The following ABCA1 variants were observed in gnomAD, a reference collection of about 807,000 sequenced individuals.
The protein encoded by ABCA1 is ATP binding cassette subfamily A member 1.
Under a neutral mutation model 262.5 loss-of-function variants are expected in ABCA1, and 133 were observed. The ratio of observed to expected loss-of-function variants is 0.51; its 90% CI spans 0.44 to 0.59. The LOEUF is 0.59. Among genes scored for constraint, ABCA1 ranks in the 20% least tolerant of loss-of-function variants. The pLI is 0.00. For synonymous variants in ABCA1, 1,022 were observed against 1,043.5 expected (o/e 0.98, Z 0.40); for missense variants, 2,452 against 2,777.5 (o/e 0.88, Z 2.63).
At chr9:104,837,646 G>T (rs1404165925) in intron 9 of ABCA1, 79 bp from the exon 10 acceptor site, 1 of 1,563,088 alleles carries the variant, frequency 6.4e-7, no homozygotes, top group Admixed American at 1.7e-5. Context: ...TGGAGCCAGA[G>T]AGTTCTTAGT....
chr9:104,875,231 T>C (rs1838046582), intron 5 of ABCA1, among the ~76,000 whole-genome samples: 1 of 151,522 alleles, frequency 6.6e-6, no homozygotes, highest in African/African-American at 2.4e-5. Context: ...TAATCCCAGC[T>C]TCTCAGGAGG....
chr9:104,862,049 T>TAAAC (rs1836448105), intron 5 of ABCA1, among the ~76,000 whole-genome samples: 1 of 145,034 alleles, frequency 6.9e-6, no homozygotes, highest in African/African-American at 2.6e-5. Context: ...ATGGTGCTGT[T>TAAAC]ACACACACAC....
intron 1 of ABCA1, among the ~76,000 whole-genome samples, chr9:104,920,615 G>A (rs1372032931): frequency 3.3e-5 from 5 of 152,054 alleles, no homozygotes; most frequent in African/African-American, 7.2e-5. Context: ...GGGTTCAAGC[G>A]ATTCTTCTGC....
intron 5 of ABCA1, among the ~76,000 whole-genome samples, chr9:104,866,028 A>T (rs910992805): frequency 6.6e-6 from 1 of 152,218 alleles, no homozygotes; most frequent in Non-Finnish European, 1.5e-5. Context: ...ATGGCGAGCA[A>T]CCAGACTGGA....
At chr9:104,806,840 C>T (rs1830811721) in intron 30 of ABCA1, among the ~76,000 whole-genome samples, 1 of 151,940 alleles carries the variant, frequency 6.6e-6, no homozygotes, top group Admixed American at 6.6e-5. Flanking sequence ...AGGAGACGAA[C>T]AACAAATACA....
intron 12 of ABCA1, 122 bp from the exon 13 acceptor site, chr9:104,831,949 C>T (rs1833373862): frequency 7.3e-6 from 7 of 958,536 alleles, no homozygotes; most frequent in South Asian, 6.6e-5. Context: ...CTCTCTAATC[C>T]TCTCTAACGT....
chr9:104,844,475 T>C (rs1440578759), intron 8 of ABCA1, among the ~76,000 whole-genome samples: 1 of 152,106 alleles, frequency 6.6e-6, no homozygotes, highest in African/African-American at 2.4e-5. Flanking sequence ...AACGTATCAA[T>C]AGTGTTTGAT....
Position 104,831,638 on chromosome 9 carries a change from T to A in ABCA1, c.1699A>T (p.Asn567Tyr), listed in dbSNP as rs1833335017. Residue 567 changes from asparagine to tyrosine, a missense_variant, in exon 13 of 50, where the codon AAT becomes TAT. Asn to Tyr is a moderately radical substitution (Grantham distance 143). Coordinates refer to ENST00000374736, the MANE Select transcript of ABCA1 (RefSeq NM_005502.4). Reference sequence around the variant, plus strand: ...TCCACTTACCCATCCTTGATTTTATTTGTCCTCTCCACATTGTCAATGTCC... The same window carrying A: ...TCCACTTACCCATCCTTGATTTTATATGTCCTCTCCACATTGTCAATGTCC... ...RMDIDNVERT[N>Y]KIKDGYWDPG... 1.6e-5 allele frequency: 26 copies of A among 1,613,826 alleles called. No homozygotes were observed. Among genetic ancestry groups the A allele is most frequent in the Non-Finnish European group, 2.1e-5 (25 of 1,179,770 alleles).
chr9:104,924,634 A>G (rs1251732802), intron 1 of ABCA1, among the ~76,000 whole-genome samples: 1 of 151,704 alleles, frequency 6.6e-6, no homozygotes, highest in Non-Finnish European at 1.5e-5. Flanking sequence ...AAGAAAAAGT[A>G]TTTGGTTTTA....
At position 104,814,102 on chromosome 9, in the gene ABCA1, T is replaced by A. The variant is rs1302666256; in HGVS notation, c.3901+16A>T. On this transcript the variant is annotated intron_variant, in intron 27 of 49. Coordinates refer to ENST00000374736, the MANE Select transcript of ABCA1 (RefSeq NM_005502.4). Reference sequence around the variant, plus strand: ...ATTCAAACAGTAGGACACTGTTTGATCTTGCCCTAACAGACCTGGGTCTAT... The same window carrying A: ...ATTCAAACAGTAGGACACTGTTTGAACTTGCCCTAACAGACCTGGGTCTAT... 3 of 1,611,224 alleles carry A rather than the reference T, an allele frequency of 1.9e-6. No individual in the cohort carries two copies. The African/African-American group carries it at 4.0e-5, about 22-fold the overall frequency.
chr9:104,890,049 AAT>A (rs1839572186), intron 2 of ABCA1, among the ~76,000 whole-genome samples: 1 of 152,218 alleles, frequency 6.6e-6, no homozygotes, highest in African/African-American at 2.4e-5. Flanking sequence ...CACTAGACAC[AAT>A]ATAATTGAGC....
At chr9:104,917,476 C>G (rs542791689) in intron 1 of ABCA1, among the ~76,000 whole-genome samples, 1 of 152,072 alleles carries the variant, frequency 6.6e-6, no homozygotes, top group Non-Finnish European at 1.5e-5. Flanking sequence ...AGTAAGCGGC[C>G]GGGTGCGGCG....
In ABCA1 at chr9:104,845,459, TG is replaced by T; in HGVS notation, c.813+17del. 1 of 1,592,620 alleles carries T rather than the reference TG, an allele frequency of 6.3e-7. No homozygotes were observed. The highest frequency in any genetic ancestry group is 8.6e-7 in the Non-Finnish European group (1 of 1,160,852). On this transcript the variant is annotated intron_variant, in intron 8 of 49. Coordinates refer to ENST00000374736, the MANE Select transcript of ABCA1 (RefSeq NM_005502.4). Reference sequence around the variant, plus strand: ...CAGTGGATGATCCGCTTCCTGGTACTGGAAAGACACAACTTACCTCCTGGGC... The same window carrying T: ...CAGTGGATGATCCGCTTCCTGGTACTGAAAGACACAACTTACCTCCTGGGC...
chr9:104,906,124 T>A (rs750912794), intron 1 of ABCA1, among the ~76,000 whole-genome samples: 27 of 152,184 alleles, frequency 1.8e-4, no homozygotes, highest in Non-Finnish European at 3.5e-4. Flanking sequence ...TCCAACAATA[T>A]CCTCTAGCTG....
intron 2 of ABCA1, among the ~76,000 whole-genome samples, chr9:104,891,007 TTC>T (rs1353737307): frequency 1.3e-5 from 2 of 152,166 alleles, no homozygotes; most frequent in African/African-American, 4.8e-5. Flanking sequence ...TACTTTTGTA[TTC>T]TGTTTTTTCA....
chr9:104,812,650 G>C lies in ABCA1; in HGVS notation c.3974C>G (p.Thr1325Arg), dbSNP rs780255270. The change falls in exon 28 of 50, where the codon ACA (threonine) becomes AGA (arginine). Residue 1325 changes from threonine to arginine, a missense_variant. Transcript: ENST00000374736. ...CAAAAGGGCCACAAACTGTTGCTGT[G>C]TAAGTTTCCAGCCTTTCACCTGGTA... ...GSYQVKGWKL[T>R]QQQFVALLWK... 1.9e-6 allele frequency: 3 copies of C among 1,614,228 alleles called. No individual in the cohort carries two copies. The highest frequency in any genetic ancestry group is 1.7e-5 in the Admixed American group (1 of 60,032).
intron 1 of ABCA1, among the ~76,000 whole-genome samples, chr9:104,915,435 T>C (rs1472364276): frequency 6.6e-6 from 1 of 152,144 alleles, no homozygotes; most frequent in East Asian, 1.9e-4. Flanking sequence ...GCTGGCTGCC[T>C]CACTAAATTA....
chr9:104,904,872 G>A (rs932726464), intron 1 of ABCA1, among the ~76,000 whole-genome samples: 1 of 152,200 alleles, frequency 6.6e-6, no homozygotes, highest in Non-Finnish European at 1.5e-5. Flanking sequence ...TCCGTTGGGT[G>A]TCACAGGTGC....
At chr9:104,841,206 C>T (rs1189811909) in intron 8 of ABCA1, among the ~76,000 whole-genome samples, 1 of 152,026 alleles carries the variant, frequency 6.6e-6, no homozygotes, top group Non-Finnish European at 1.5e-5. Flanking sequence ...GAGGTCGAGG[C>T]GGGTGGATCA....
Sources: allele counts gnomAD v4.1 joint callset (sites outside exome capture counted in the v4.1 genomes callset), GRCh38; gene constraint gnomAD v4.1.1; transcripts MANE v1.5; gene names NCBI Gene and HGNC (gene_info 2026-07-23, HGNC 2026-07-21).